FNBP1: variants seen among roughly 807,000 people sequenced by gnomAD.
The protein encoded by FNBP1 is formin binding protein 1, also known as formin-binding protein 1.
A neutral mutation model predicts 90.6 loss-of-function variants in FNBP1; 26 were observed. The ratio of observed to expected loss-of-function variants is 0.29; its 90% CI spans 0.21 to 0.40. The LOEUF is 0.40. FNBP1 is among the 10% of genes least tolerant of loss of function. The pLI, the probability that FNBP1 is intolerant of heterozygous loss-of-function variation, is 1.00. For synonymous variants in FNBP1, 260 were observed against 265.2 expected (o/e 0.98, Z 0.19); for missense variants, 635 against 768.0 (o/e 0.83, Z 2.05).
intron 8 of FNBP1, among the ~76,000 whole-genome samples, chr9:129,925,589 C>CTTTTTTTTTTTTTT (rs576015094): frequency 1.5e-5 from 1 of 67,116 alleles, no homozygotes; most frequent in Non-Finnish European, 2.6e-5. Flanking sequence ...TTCCTAGTAG[C>CTTTTTTTTTTTTTT]TTTTTTTTTT....
At chr9:129,927,619 GTTTT>G (rs1302365758) in intron 7 of FNBP1, among the ~76,000 whole-genome samples, 1 of 151,592 alleles carries the variant, frequency 6.6e-6, no homozygotes, top group African/African-American at 2.4e-5. Context: ...TTTTCTTTTT[GTTTT>G]TTTGAGACGG....
intron 1 of FNBP1, among the ~76,000 whole-genome samples, chr9:130,021,820 T>C (rs1053939197): frequency 3.0e-4 from 46 of 152,212 alleles, no homozygotes; most frequent in African/African-American, 2.4e-5. Context: ...CATCCCAAAT[T>C]AGCCCTTTGT....
At position 129,888,304 on chromosome 9, in the gene FNBP1, A is replaced by C. The variant is rs7869870; in HGVS notation, c.*2235T>G. On this transcript the variant is annotated 3_prime_UTR_variant, in exon 17 of 17. Transcript: ENST00000446176. ...ATCCCATTTTAAAGAACCGTTTCAC[A>C]TCCTCGTGGAGTGGAGAGTGGTCCA... The C allele has an allele frequency of 1.8e-3, 413 of 232,566 alleles. 5 individuals are homozygous for C. The highest frequency in any genetic ancestry group is 8.1e-3 in the African/African-American group (370 of 45,426). The allele number at this position is 232,566 out of a possible 1,614,324, so 14.4% of individuals were successfully genotyped here.
At chr9:130,012,004 T>C (rs1327053272) in intron 1 of FNBP1, among the ~76,000 whole-genome samples, 1 of 152,212 alleles carries the variant, frequency 6.6e-6, no homozygotes, top group Non-Finnish European at 1.5e-5. Context: ...TACTGACTTA[T>C]TCTAAAGTTA....
chr9:130,021,683 C>CAA (rs904425965), intron 1 of FNBP1, among the ~76,000 whole-genome samples: 1 of 149,934 alleles, frequency 6.7e-6, no homozygotes, highest in Non-Finnish European at 1.5e-5. Context: ...AAGGAGACTT[C>CAA]AAAAAAAAAC....
At position 129,979,332 on chromosome 9, in the gene FNBP1, C is replaced by G; in HGVS notation, c.183G>C (p.Glu61Asp). 3.1e-6 allele frequency: 5 copies of G among 1,604,786 alleles called. No homozygotes were observed. The highest frequency in any genetic ancestry group is 4.3e-6 in the Non-Finnish European group (5 of 1,172,456). The stretch of plus-strand genomic sequence containing the variant: ...GGTAAACATACTTGTATTCTTCTTC[C>G]TCCTTCGAGTTCTTTTTAGGTTGGT... The part of the protein sequence containing the change: ...KKYQPKKNSK[E>D]EEEYKYTSCK... The change falls in exon 3 of 17, where the codon GAG (glutamate) becomes GAC (aspartate). Residue 61 changes from glutamate (E) to aspartate (D), a missense_variant. Transcript: ENST00000446176.
chr9:129,963,919 C>A (rs1362609843), intron 4 of FNBP1, among the ~76,000 whole-genome samples: 3 of 152,072 alleles, frequency 2.0e-5, no homozygotes. Context: ...CCAGCCCCAG[C>A]CTTTTTCACA....
chr9:129,992,594 C>T (rs1415866798), intron 2 of FNBP1, among the ~76,000 whole-genome samples: 20 of 116,588 alleles, frequency 1.7e-4, no homozygotes, highest in Non-Finnish European at 2.3e-4. Context: ...TGCTCTGTTG[C>T]CCAGGCTGGA....
chr9:129,913,873 T>C (rs1055912888), intron 11 of FNBP1, among the ~76,000 whole-genome samples: 1 of 113,416 alleles, frequency 8.8e-6, no homozygotes, highest in African/African-American at 3.2e-5. Flanking sequence ...TTGGGTTTTT[T>C]GTTTTGTTTT....
chr9:129,941,892 A>G (rs1391977488), intron 6 of FNBP1, among the ~76,000 whole-genome samples: 2 of 152,068 alleles, frequency 1.3e-5, no homozygotes, highest in African/African-American at 2.4e-5. Context: ...CTGACATGGC[A>G]AAACCCCATC....
At chr9:129,925,437 C>A (rs1270291133) in intron 8 of FNBP1, among the ~76,000 whole-genome samples, 1 of 151,478 alleles carries the variant, frequency 6.6e-6, no homozygotes, top group Non-Finnish European at 1.5e-5. Flanking sequence ...ACCCAGGAGG[C>A]GGAGGTTGCA....
At chr9:130,043,235 G>A (rs2132496663), upstream of FNBP1, 1 of 318,932 alleles carries the variant, frequency 3.1e-6, no homozygotes, top group Non-Finnish European at 5.7e-6. Context: ...AGCGGGGGAG[G>A]GGCGGGAGGG....
chr9:129,911,796 G>C (rs1468749384), intron 11 of FNBP1, among the ~76,000 whole-genome samples: 1 of 151,970 alleles, frequency 6.6e-6, no homozygotes, highest in Admixed American at 6.6e-5. Flanking sequence ...GCCGAGTGTG[G>C]TAGCACCCGC....
Position 129,957,098 on chromosome 9 carries a change from C to T in FNBP1, c.513+262G>A, listed in dbSNP as rs182254062. 4.7e-5 allele frequency among the ~76,000 whole-genome samples: 7 copies of T among 149,496 alleles called. No homozygotes were observed. Among genetic ancestry groups the T allele is most frequent in the East Asian group, 4.0e-4 (2 of 5,032 alleles). ...TGTTACCCAGGCTGGAGTGCAGTGGCGTGATCTTGGCTCACTGCAGCCAAC... is the reference window on the plus strand; with the variant it reads ...TGTTACCCAGGCTGGAGTGCAGTGGTGTGATCTTGGCTCACTGCAGCCAAC... On this transcript the variant is annotated intron_variant, in intron 6 of 16. Transcript: ENST00000446176. This position sits in a 1 kb window ranked among gnomAD's most constrained non-coding sequence, Gnocchi z 4.3.
chr9:129,915,960 G>A lies in FNBP1; in HGVS notation c.1185+6C>T, dbSNP rs1221986661. The A allele has an allele frequency of 6.2e-7, 1 of 1,606,998 alleles. No homozygotes were observed. Among genetic ancestry groups the A allele is most frequent in the African/African-American group, 1.3e-5 (1 of 74,744 alleles). Reference sequence around the variant, plus strand: ...CTCAGGACATGCATGGAACAATTGTGCTTACCAGCTTGAGAGAAAGCTTCA... The same window carrying A: ...CTCAGGACATGCATGGAACAATTGTACTTACCAGCTTGAGAGAAAGCTTCA... On this transcript the variant is annotated splice_donor_region_variant and intron_variant, in intron 11 of 16. Coordinates refer to ENST00000446176, the MANE Select transcript of FNBP1 (RefSeq NM_015033.3).
At chr9:129,990,728 T>C (rs1346090035) in intron 2 of FNBP1, among the ~76,000 whole-genome samples, 2 of 152,034 alleles carry the variant, frequency 1.3e-5, no homozygotes, top group African/African-American at 4.8e-5. Flanking sequence ...TAAGGGAAAC[T>C]AGTTAGTAGA....
At chr9:129,918,267 A>G (rs2040557529) in intron 10 of FNBP1, among the ~76,000 whole-genome samples, 1 of 152,250 alleles carries the variant, frequency 6.6e-6, no homozygotes, top group Non-Finnish European at 1.5e-5. Context: ...GTGCCATCAC[A>G]GTACGTGGAA....
intron 2 of FNBP1, among the ~76,000 whole-genome samples, chr9:129,979,580 G>A (rs988490196): frequency 2.0e-5 from 3 of 152,192 alleles, no homozygotes; most frequent in Admixed American, 6.5e-5. Flanking sequence ...TTGTCTCAAA[G>A]CAGAGCAAAT....
chr9:129,938,885 G>A (rs534229005), intron 6 of FNBP1, among the ~76,000 whole-genome samples: 3 of 152,230 alleles, frequency 2.0e-5, no homozygotes, highest in African/African-American at 4.8e-5. Context: ...TGTAAATGAT[G>A]GTTTCCAAGA....
Sources: gnomAD v4.1 joint callset for allele counts (sites outside exome capture counted in the v4.1 genomes callset) on GRCh38, gnomAD v4.1.1 for gene constraint, Gnocchi (gnomAD v3.1) non-coding constraint, MANE v1.5 for transcripts, NCBI Gene and HGNC (gene_info 2026-07-23, HGNC 2026-07-21) for gene names.